Variants in LRFN5 observed in about 807,000 individuals in gnomAD.
LRFN5 encodes the protein leucine rich repeat and fibronectin type III domain containing 5, also known as leucine-rich repeat and fibronectin type-III domain-containing protein 5.
LRFN5 carries 24 observed loss-of-function variants against 45.6 expected under a neutral mutation model. That is an observed-to-expected ratio of 0.53 (90% CI 0.38 to 0.74). LRFN5 has a LOEUF of 0.74. Ranked by LOEUF, LRFN5 falls within the 30% of genes least tolerant of loss-of-function variation. LRFN5 has a pLI of 0.00. For missense variants in LRFN5, 776 were observed against 861.5 expected, an observed-to-expected ratio of 0.90 and a Z score of 1.24; for synonymous variants, 340 against 313.8, an observed-to-expected ratio of 1.08 and a Z score of -0.88.
intron 2 of LRFN5, among the ~76,000 whole-genome samples, chr14:41,820,239 T>C (rs1888068164): frequency 6.6e-6 from 1 of 151,998 alleles, no homozygotes; most frequent in Non-Finnish European, 1.5e-5. Flanking sequence ...AGAATTTTTA[T>C]AGTTTCAGGT....
intron 2 of LRFN5, among the ~76,000 whole-genome samples, chr14:41,832,001 A>C (rs754070264): frequency 2.0e-5 from 3 of 152,140 alleles, no homozygotes; most frequent in Non-Finnish European, 4.4e-5. Context: ...TCCACTTCTT[A>C]TAAAGCCACT....
intron 3 of LRFN5, among the ~76,000 whole-genome samples, chr14:41,889,322 G>A (rs925399193): frequency 6.6e-6 from 1 of 151,902 alleles, no homozygotes; most frequent in African/African-American, 2.4e-5. Flanking sequence ...ATATGGCTGA[G>A]TTTCAATTCC....
At chr14:41,716,113 C>T (rs1883483202) in intron 1 of LRFN5, among the ~76,000 whole-genome samples, 2 of 152,172 alleles carry the variant, frequency 1.3e-5, no homozygotes, top group Admixed American at 1.3e-4. Context: ...CACAGGACAC[C>T]AAGTCTCTAG....
At position 41,610,664 on chromosome 14, in the gene LRFN5, A is replaced by AAAAAAAAAAAAAAAAG. The variant is rs1887715854; in HGVS notation, c.-197+2117_-197+2118insGAAAAAAAAAAAAAAA. The stretch of plus-strand genomic sequence containing the variant: ...CCCTCTGAGGTCCCAGGGAAGGTAA[A>AAAAAAAAAAAAAAAAG]AAAAAAAAAAAAAAAAAAAGTGTAT... On this transcript the variant is annotated intron_variant, in intron 1 of 5. Coordinates refer to ENST00000298119, the MANE Select transcript of LRFN5 (RefSeq NM_152447.5). Among the ~76,000 whole-genome samples the AAAAAAAAAAAAAAAAG allele has an allele frequency of 1.5e-5, 2 of 133,200 alleles. 1 individual carries two copies. The highest frequency in any genetic ancestry group is 3.1e-5 in the Non-Finnish European group (2 of 64,996). 87.4% of individuals were successfully genotyped at this position (133,200 alleles called of 152,430 possible).
At chr14:41,870,813 C>T (rs1014799848) in intron 2 of LRFN5, among the ~76,000 whole-genome samples, 1 of 152,102 alleles carries the variant, frequency 6.6e-6, no homozygotes, top group African/African-American at 2.4e-5. Context: ...TAAGATTACA[C>T]AAAAGTGTAT....
intron 2 of LRFN5, among the ~76,000 whole-genome samples, chr14:41,838,300 A>T (rs1310155392): frequency 6.6e-6 from 1 of 152,176 alleles, no homozygotes; most frequent in African/African-American, 2.4e-5. Context: ...GAAGTCTATG[A>T]TTATGGCATA....
intron 1 of LRFN5, among the ~76,000 whole-genome samples, chr14:41,743,741 T>C (rs546500395): frequency 2.6e-5 from 4 of 152,340 alleles, no homozygotes; most frequent in Admixed American, 2.6e-4. Flanking sequence ...ATTAGCTTAA[T>C]TGGCTCTCTG....
chr14:41,848,217 G>A (rs1438063832), intron 2 of LRFN5, among the ~76,000 whole-genome samples: 2 of 151,844 alleles, frequency 1.3e-5, no homozygotes, highest in African/African-American at 2.4e-5. Context: ...TTCACATCAC[G>A]CAAAATAAAT....
At chr14:41,692,802 T>C (rs1195751855) in intron 1 of LRFN5, among the ~76,000 whole-genome samples, 1 of 152,162 alleles carries the variant, frequency 6.6e-6, no homozygotes, top group Non-Finnish European at 1.5e-5. Context: ...TTAAGAAATA[T>C]TTGTCTATTT....
intron 1 of LRFN5, among the ~76,000 whole-genome samples, chr14:41,614,165 G>A (rs561595414): frequency 6.6e-6 from 1 of 151,910 alleles, no homozygotes; most frequent in South Asian, 2.1e-4. Flanking sequence ...TGGTTTATTT[G>A]CACTTGTTTT....
chr14:41,624,517 G>A (rs1888256319), intron 1 of LRFN5, among the ~76,000 whole-genome samples: 1 of 152,126 alleles, frequency 6.6e-6, no homozygotes, highest in Admixed American at 6.6e-5. Flanking sequence ...TTTAGGTAGA[G>A]CAGATTTATT....
chr14:41,743,173 T>G (rs7148612), intron 1 of LRFN5, among the ~76,000 whole-genome samples: 115,526 of 152,034 alleles, frequency 0.76, 44,271 homozygotes, highest in East Asian at 0.97. Flanking sequence ...AATTTTGATT[T>G]CATTGAAACA....
chr14:41,680,167 C>T (rs1881821002), intron 1 of LRFN5, among the ~76,000 whole-genome samples: 1 of 152,128 alleles, frequency 6.6e-6, no homozygotes, highest in African/African-American at 2.4e-5. Context: ...CATCTCTGGA[C>T]CTGCCTGGGA....
At chr14:41,753,375 A>G (rs913598870) in intron 1 of LRFN5, among the ~76,000 whole-genome samples, 2 of 152,130 alleles carry the variant, frequency 1.3e-5, no homozygotes, top group Non-Finnish European at 2.9e-5. Flanking sequence ...CATTTTCACA[A>G]TATTGCTTAT....
chr14:41,631,956 T>TG (rs761249153), intron 1 of LRFN5, among the ~76,000 whole-genome samples: 11 of 152,080 alleles, frequency 7.2e-5, no homozygotes, highest in Admixed American at 5.2e-4. Context: ...TGACCTGAAA[T>TG]GGCTTATATT....
chr14:41,774,907 CTG>C (rs1886221315), intron 2 of LRFN5, among the ~76,000 whole-genome samples: 1 of 152,030 alleles, frequency 6.6e-6, no homozygotes, highest in South Asian at 2.1e-4. Flanking sequence ...TGGATAATGA[CTG>C]TGATCTTGCA....
rs772166408 is a variant in LRFN5, at chr14:41,887,474, G to A, written c.849G>A (p.Leu283=). The change falls in exon 3 of 6, where the codon TTG becomes TTA. Residue 283 remains leucine, a synonymous_variant. Coordinates refer to ENST00000298119, the MANE Select transcript of LRFN5 (RefSeq NM_152447.5). The surrounding 1 kb of genome is among the most constrained non-coding windows in gnomAD (Gnocchi z 4.8). ...YFWSIPEEEF[L]CEPPLITRHT... ...GGTCAATTCCTGAAGAAGAGTTTTT[G>A]TGTGAGCCTCCTCTCATTACTCGTC... 35 of 1,614,058 alleles carry A rather than the reference G, an allele frequency of 2.2e-5. No homozygotes were observed. Among genetic ancestry groups the A allele is most frequent in the Non-Finnish European group, 2.6e-5 (31 of 1,180,038 alleles).
chr14:41,770,652 C>T (rs957115408), intron 2 of LRFN5, among the ~76,000 whole-genome samples: 4 of 152,184 alleles, frequency 2.6e-5, no homozygotes, highest in African/African-American at 9.7e-5. Context: ...CCCCCAAGGA[C>T]TTGGGTAGCC....
intron 1 of LRFN5, among the ~76,000 whole-genome samples, chr14:41,694,912 T>G (rs1306076363): frequency 6.6e-6 from 1 of 151,886 alleles, no homozygotes; most frequent in Non-Finnish European, 1.5e-5. Context: ...TCTCTCAGTA[T>G]AAATCAAAAA....
Sources: allele counts gnomAD v4.1 joint callset (sites outside exome capture counted in the v4.1 genomes callset), GRCh38; gene constraint gnomAD v4.1.1; non-coding constraint Gnocchi (gnomAD v3.1); transcripts MANE v1.5; gene names NCBI Gene and HGNC (gene_info 2026-07-23, HGNC 2026-07-21).